Variants in NRG1 observed in about 807,000 individuals in gnomAD.
NRG1 encodes the protein neuregulin 1, also known as pro-neuregulin-1, membrane-bound isoform.
A neutral mutation model predicts 63.8 loss-of-function variants in NRG1; 18 were observed. That is an observed-to-expected ratio of 0.28 (90% confidence interval 0.19 to 0.42). The LOEUF (loss-of-function observed/expected upper bound fraction) is 0.42, where lower values mean the gene tolerates loss of function less well. NRG1 is among the 10% of genes least tolerant of loss of function. The pLI, the probability that NRG1 is intolerant of heterozygous loss-of-function variation, is 1.00. For missense variants in NRG1, 762 were observed against 814.7 expected (o/e 0.94, Z 0.79); for synonymous variants, 302 against 301.3 (o/e 1.00, Z -0.02).
chr8:32,452,002 T>A (rs1051166582), intron 1 of NRG1, among the ~76,000 whole-genome samples: 3 of 152,064 alleles, frequency 2.0e-5, no homozygotes, highest in Admixed American at 2.0e-4. Flanking sequence ...CTTTTTTGTA[T>A]TTTTTGGTAG....
chr8:32,588,999 A>G (rs1842086765), intron 1 of NRG1, among the ~76,000 whole-genome samples: 1 of 152,194 alleles, frequency 6.6e-6, no homozygotes, highest in Non-Finnish European at 1.5e-5. Flanking sequence ...ACAGGTGGCA[A>G]CAAATAATGA....
intron 1 of NRG1, among the ~76,000 whole-genome samples, chr8:32,222,034 T>TACACACACACAC (rs202206585): frequency 3.6e-4 from 54 of 148,698 alleles, no homozygotes; most frequent in African/African-American, 1.3e-3. Flanking sequence ...GAAACATACA[T>TACACACACACAC]ACACACACAC....
At chr8:32,659,863 A>G (rs1276783608) in intron 5 of NRG1, among the ~76,000 whole-genome samples, 1 of 152,096 alleles carries the variant, frequency 6.6e-6, no homozygotes, top group Non-Finnish European at 1.5e-5. Context: ...CTCCTCTCCC[A>G]AATTCTACTT....
intron 1 of NRG1, among the ~76,000 whole-genome samples, chr8:31,799,642 T>C (rs1254649384): frequency 1.3e-5 from 2 of 151,992 alleles, no homozygotes; most frequent in South Asian, 2.1e-4. Context: ...ATAATAACAG[T>C]CTTATTTTGC....
At chr8:31,885,124 G>C (rs1053843779) in intron 1 of NRG1, among the ~76,000 whole-genome samples, 2 of 152,116 alleles carry the variant, frequency 1.3e-5, no homozygotes, top group Non-Finnish European at 2.9e-5. Flanking sequence ...GCAGACTCAT[G>C]AAGTGCAGTA....
chr8:32,437,862 C>A (rs1818985736), intron 1 of NRG1, among the ~76,000 whole-genome samples: 1 of 152,028 alleles, frequency 6.6e-6, no homozygotes, highest in Admixed American at 6.6e-5. Context: ...TGCCTCTCAG[C>A]AAAAAGATAG....
At chr8:32,596,721 A>T (rs1843438851) in intron 2 of NRG1, among the ~76,000 whole-genome samples, 1 of 152,196 alleles carries the variant, frequency 6.6e-6, no homozygotes, top group South Asian at 2.1e-4. Context: ...ACTTAGATTT[A>T]TGGAAAGAAT....
At chr8:32,356,064 A>C (rs1685111) in intron 1 of NRG1, among the ~76,000 whole-genome samples, 131,414 of 152,048 alleles carry the variant, frequency 0.86, 57,225 homozygotes, top group African/African-American at 0.94. Context: ...ACCATGACTC[A>C]CCAGGAGGAC....
At chr8:31,904,817 G>A (rs1222644937) in intron 1 of NRG1, among the ~76,000 whole-genome samples, 3 of 151,988 alleles carry the variant, frequency 2.0e-5, no homozygotes, top group Admixed American at 6.6e-5. Context: ...ATAAGTTGGA[G>A]GTAAACACTG....
At chr8:32,064,148 G>A (rs1341077414) in intron 1 of NRG1, among the ~76,000 whole-genome samples, 3 of 152,118 alleles carry the variant, frequency 2.0e-5, no homozygotes, top group African/African-American at 7.2e-5. Context: ...GGCTGAGTGT[G>A]TGGGTTTGGG....
intron 1 of NRG1, among the ~76,000 whole-genome samples, chr8:31,878,074 A>G (rs776384): frequency 0.98 from 149,521 of 152,298 alleles, 73,410 homozygotes; most frequent in East Asian, 1. Context: ...CTATCTAAAG[A>G]CAATAGTGTT....
intron 5 of NRG1, among the ~76,000 whole-genome samples, chr8:32,701,111 A>G (rs907008326): frequency 6.6e-6 from 1 of 152,174 alleles, no homozygotes; most frequent in Non-Finnish European, 1.5e-5. Context: ...GGTCCTGTTC[A>G]TGTTCTCAGA....
Position 31,986,033 on chromosome 8 carries a change from T to C in NRG1, c.37+346602T>C, listed in dbSNP as rs148113232. ...TTTATAACTTATCCTCTAAGTGATC[T>C]CAGTCGAATCATTTGCTGTCTTGGT... is the stretch of plus-strand genomic sequence containing the variant. On this transcript the variant is annotated intron_variant, in intron 1 of 10. Transcript: ENST00000519301. Among the ~76,000 whole-genome samples the C allele has an allele frequency of 2.0e-5, 3 of 152,296 alleles. No homozygotes were observed. The East Asian group carries it at 5.8e-4, about 30-fold the overall frequency.
At chr8:31,778,842 G>T (rs1211495436) in intron 1 of NRG1, among the ~76,000 whole-genome samples, 1 of 152,208 alleles carries the variant, frequency 6.6e-6, no homozygotes, top group Non-Finnish European at 1.5e-5. Context: ...TGTGCAGGAG[G>T]ACTGTTATTG....
intron 1 of NRG1, among the ~76,000 whole-genome samples, chr8:31,935,756 A>C (rs113796588): frequency 0.011 from 1,697 of 152,298 alleles, 5 homozygotes; most frequent in Non-Finnish European, 0.016. Flanking sequence ...CTTTTAGGTC[A>C]CAAGTATCCC....
chr8:32,359,039 G>T (rs1177936166), intron 1 of NRG1, among the ~76,000 whole-genome samples: 1 of 152,070 alleles, frequency 6.6e-6, no homozygotes, highest in African/African-American at 2.4e-5. Flanking sequence ...TTCAGGGAGG[G>T]TGAATAGCCC....
chr8:31,990,327 G>T (rs1810844044), intron 1 of NRG1, among the ~76,000 whole-genome samples: 1 of 152,052 alleles, frequency 6.6e-6, no homozygotes, highest in South Asian at 2.1e-4. Flanking sequence ...TAGTTGTTAT[G>T]TACCCAATCA....
chr8:31,762,175 C>T (rs1323613894), intron 1 of NRG1, among the ~76,000 whole-genome samples: 1 of 152,132 alleles, frequency 6.6e-6, no homozygotes, highest in African/African-American at 2.4e-5. Context: ...TGGTTTGCTG[C>T]ACCTATTGAC....
At chr8:31,663,347 A>T (rs1806198028) in intron 1 of NRG1, among the ~76,000 whole-genome samples, 1 of 152,164 alleles carries the variant, frequency 6.6e-6, no homozygotes, top group Admixed American at 6.5e-5. Context: ...TTCTATGTTT[A>T]TTTCTCTCAG....
Sources: gnomAD v4.1 joint callset for allele counts (sites outside exome capture counted in the v4.1 genomes callset) on GRCh38, gnomAD v4.1.1 for gene constraint, MANE v1.5 for transcripts, NCBI Gene and HGNC (gene_info 2026-07-23, HGNC 2026-07-21) for gene names.